The following POLN variants were observed in gnomAD, a reference collection of about 807,000 sequenced individuals.
The protein encoded by POLN is DNA polymerase N.
Under a neutral mutation model 113.5 loss-of-function variants are expected in POLN, and 108 were observed. The observed-to-expected ratio is 0.95, with a 90% CI of 0.81 to 1.12. The LOEUF (loss-of-function observed/expected upper bound fraction) is 1.12, where lower values mean the gene tolerates loss of function less well. Among genes scored for constraint, POLN ranks in the 50% most tolerant of loss-of-function variants. The probability of loss-of-function intolerance (pLI) is 0.00; values close to 1 mark genes in which losing one functional copy is unlikely to be tolerated. For missense variants in POLN, 1,097 were observed against 1,077.1 expected (o/e 1.02, Z -0.26); for synonymous variants, 386 against 391.5 (o/e 0.99, Z 0.17).
intron 23 of POLN, chr4:2,078,908 T>G (rs1377969054): frequency 1.0e-6 from 1 of 985,250 alleles, no homozygotes; most frequent in Non-Finnish European, 1.2e-6. Context: ...CCTTTATCAA[T>G]TCCACAAGGG....
intron 16 of POLN, among the ~76,000 whole-genome samples, chr4:2,139,166 C>T (rs1343751621): frequency 2.0e-5 from 3 of 152,162 alleles, no homozygotes; most frequent in Non-Finnish European, 2.9e-5. Flanking sequence ...CAGAGCCACA[C>T]TGGGTCACCA....
intron 3 of POLN, among the ~76,000 whole-genome samples, chr4:2,214,920 T>C (rs1312585814): frequency 6.6e-6 from 1 of 151,504 alleles, no homozygotes; most frequent in Non-Finnish European, 1.5e-5. Context: ...TACATATACA[T>C]ATATATGTAT....
chr4:2,146,374 G>A (rs1732139876), intron 16 of POLN, among the ~76,000 whole-genome samples: 1 of 152,204 alleles, frequency 6.6e-6, no homozygotes, highest in African/African-American at 2.4e-5. Flanking sequence ...CAGGCGTGGT[G>A]GCACGCACCT....
chr4:2,212,829 T>C (rs932033534), intron 4 of POLN, among the ~76,000 whole-genome samples: 1 of 152,118 alleles, frequency 6.6e-6, no homozygotes, highest in African/African-American at 2.4e-5. Flanking sequence ...GTTCCTCCTA[T>C]TGTCCCCAGA....
intron 21 of POLN, 147 bp from the exon 22 acceptor site, chr4:2,081,890 A>C: frequency 1.8e-5 from 10 of 561,822 alleles, no homozygotes; most frequent in East Asian, 6.9e-5. Context: ...CGGGTCTATC[A>C]TGGGGGCAAG....
intron 17 of POLN, among the ~76,000 whole-genome samples, chr4:2,130,763 T>C (rs1731708671): frequency 4.6e-5 from 7 of 152,204 alleles, no homozygotes. Flanking sequence ...GGAGGTACCA[T>C]ATCACTTTAG....
chr4:2,078,034 G>T (rs1730317161), intron 23 of POLN, among the ~76,000 whole-genome samples: 1 of 152,242 alleles, frequency 6.6e-6, no homozygotes, highest in Admixed American at 6.5e-5. Flanking sequence ...TGTTCCAGAA[G>T]AGCCTCACCG....
intron 16 of POLN, among the ~76,000 whole-genome samples, chr4:2,150,109 AAAAAC>A (rs1217095669): frequency 1.3e-5 from 2 of 152,034 alleles, no homozygotes; most frequent in African/African-American, 4.8e-5. Flanking sequence ...ACAAAAAACA[AAAAAC>A]AAAACAAAAC....
chr4:2,104,009 T>A (rs1208784694), intron 19 of POLN, among the ~76,000 whole-genome samples: 2 of 152,122 alleles, frequency 1.3e-5, no homozygotes, highest in Non-Finnish European at 2.9e-5. Flanking sequence ...ACATTCACCA[T>A]CATGGAAACA....
chr4:2,181,931 C>T (rs1733152654), intron 7 of POLN, among the ~76,000 whole-genome samples: 1 of 150,042 alleles, frequency 6.7e-6, no homozygotes, highest in Non-Finnish European at 1.5e-5. Context: ...ACCCAGGAGG[C>T]GGAGCTTTCA....
At chr4:2,109,612 C>G (rs899975351) in intron 19 of POLN, among the ~76,000 whole-genome samples, 13 of 151,950 alleles carry the variant, frequency 8.6e-5, no homozygotes, top group African/African-American at 3.1e-4. Context: ...GATGAATTGG[C>G]CCTTTTATCA....
chr4:2,168,593 T>G (rs1469830054), intron 13 of POLN, among the ~76,000 whole-genome samples: 1 of 152,232 alleles, frequency 6.6e-6, no homozygotes, highest in Non-Finnish European at 1.5e-5. Context: ...TTTCTTGCAC[T>G]GTTGGTTGTC....
chr4:2,209,480 GAAAAAAAAAA>G (rs1245386319), intron 4 of POLN, among the ~76,000 whole-genome samples: 1 of 72,196 alleles, frequency 1.4e-5, no homozygotes, highest in African/African-American at 4.2e-5. Flanking sequence ...CTCCGTCTCA[GAAAAAAAAAA>G]AAAAAAAAAA....
intron 23 of POLN, chr4:2,079,870 C>T (rs1366363404): frequency 2.0e-5 from 20 of 985,412 alleles, no homozygotes; most frequent in African/African-American, 3.5e-5. Context: ...CAGGCGTGAG[C>T]CACTGTGCCC....
chr4:2,228,289 C>T, intron 3 of POLN: 1 of 164,506 alleles, frequency 6.1e-6, no homozygotes, highest in Non-Finnish European at 1.3e-5. Context: ...CAAAAAAACA[C>T]CAAAAGCCCT....
intron 3 of POLN, chr4:2,227,714 G>A (rs185204366): frequency 6.6e-6 from 1 of 152,252 alleles, no homozygotes; most frequent in Non-Finnish European, 1.5e-5. Context: ...GATCGTCCCA[G>A]GCATTAACAA....
At position 2,126,501 on chromosome 4, in the gene POLN, G is replaced by A. The variant is rs1731582693; in HGVS notation, c.1982+1612C>T. 6.6e-6 allele frequency among the ~76,000 whole-genome samples: 1 copy of A among 152,184 alleles called. No homozygotes were observed. Among genetic ancestry groups the A allele is most frequent in the African/African-American group, 2.4e-5 (1 of 41,452 alleles). ...GAGGTCTCGGCCCCTGGGCGCTGTC[G>A]CTGCAGCAGGATGGACAGTAGAGCA... On this transcript the variant is annotated intron_variant, in intron 19 of 25. Transcript: ENST00000511885. The surrounding 1 kb of genome is among the most constrained non-coding windows in gnomAD (Gnocchi z 4.6).
chr4:2,174,299 G>T (rs2022303), intron 10 of POLN, among the ~76,000 whole-genome samples: 37,563 of 152,208 alleles, frequency 0.25, 7,167 homozygotes, highest in African/African-American at 0.52. Flanking sequence ...GGCTGACGTG[G>T]TGCCCATCAG....
chr4:2,117,182 T>C (rs1561006110), intron 19 of POLN, among the ~76,000 whole-genome samples: 1 of 152,206 alleles, frequency 6.6e-6, no homozygotes, highest in Admixed American at 6.5e-5. Context: ...GAAGATAAAA[T>C]GGGAACCATG....
Sources: allele counts gnomAD v4.1 joint callset (sites outside exome capture counted in the v4.1 genomes callset), GRCh38; gene constraint gnomAD v4.1.1; non-coding constraint Gnocchi (gnomAD v3.1); transcripts MANE v1.5; gene names NCBI Gene and HGNC (gene_info 2026-07-23, HGNC 2026-07-21).